Variants in SYNGR2 observed in about 807,000 individuals in gnomAD.
SYNGR2 encodes the protein synaptogyrin-2.
Under a neutral mutation model 18.7 loss-of-function variants are expected in SYNGR2, and 11 were observed. The ratio of observed to expected loss-of-function variants is 0.59; its 90% confidence interval spans 0.37 to 0.97. The LOEUF is 0.97. SYNGR2 is among the 50% of genes least tolerant of loss of function. The pLI is 0.01. For synonymous variants in SYNGR2, 127 were observed against 131.0 expected (o/e 0.97, Z 0.21); for missense variants, 253 against 300.7 (o/e 0.84, Z 1.17).
In SYNGR2 at chr17:78,172,397, T is replaced by G; in HGVS notation, c.*461T>G. ...CAGGCTCTTGTGTCCTCACTCAGGT[T>G]TGCTTCCCCTGTGCCCACTGCTGTA... On this transcript the variant is annotated 3_prime_UTR_variant, in exon 4 of 4. Transcript: ENST00000225777. The G allele has an allele frequency of 4.2e-6, 1 of 239,588 alleles. No homozygotes were observed. The allele number at this position is 239,588 out of a possible 1,614,324, so 14.8% of individuals were successfully genotyped here. A position where few individuals can be genotyped will look rare whatever the true frequency, so the allele number is the denominator to read the frequency against.
intron 1 of SYNGR2, chr17:78,169,584 A>C (rs1018427083): frequency 1.3e-5 from 2 of 152,398 alleles, no homozygotes; most frequent in Admixed American, 1.3e-4. Flanking sequence ...TGTGACTGCC[A>C]GCTCCAGAGC....
chr17:78,170,755 G>T (rs754038738), intron 1 of SYNGR2, 62 bp from the exon 2 acceptor site: 4 of 1,448,016 alleles, frequency 2.8e-6, no homozygotes, highest in Non-Finnish European at 3.8e-6. Context: ...CCCCATCAGG[G>T]TCCCCGCTGT....
chr17:78,169,267 T>TGGGGGGGGG (rs1283779522), intron 1 of SYNGR2: 1 of 25,172 alleles, frequency 4.0e-5, no homozygotes, highest in African/African-American at 2.3e-4. Flanking sequence ...TGTGTGTGTG[T>TGGGGGGGGG]GTGTGTGGCG....
chr17:78,169,687 C>T (rs2075645442), intron 1 of SYNGR2: 1 of 152,410 alleles, frequency 6.6e-6, no homozygotes. Context: ...CAGACCTGTC[C>T]CACACCTGCT....
At position 78,171,045 on chromosome 17, in the gene SYNGR2, C is replaced by A. The variant is rs775497579; in HGVS notation, c.328C>A (p.Leu110Ile). 2.5e-6 allele frequency: 4 copies of A among 1,612,764 alleles called. No individual in the cohort carries two copies. The highest frequency in any genetic ancestry group is 3.4e-6 in the Non-Finnish European group (4 of 1,179,712). Residue 110 changes from leucine to isoleucine, a missense_variant, in exon 2 of 4, where the codon CTC becomes ATC. Coordinates refer to ENST00000225777, the MANE Select transcript of SYNGR2 (RefSeq NM_004710.7). The surrounding 1 kb of genome is among the most constrained non-coding windows in gnomAD (Gnocchi z 6.6). ...DRKYLVIGDL[L>I]FSALWTFLWF... Reference sequence around the variant, plus strand: ...CAAGTACCTGGTCATTGGTGACCTGCTCTTCTCAGGTATCTGCCTGTGGCA... The same window carrying A: ...CAAGTACCTGGTCATTGGTGACCTGATCTTCTCAGGTATCTGCCTGTGGCA...
rs1295675213 is a variant in SYNGR2 at position 78,171,570 on chromosome 17, C to G, written c.398C>G (p.Thr133Ser). The G allele has an allele frequency of 1.9e-6, 3 of 1,543,130 alleles. No homozygotes were observed. Among genetic ancestry groups the G allele is most frequent in the Non-Finnish European group, 2.6e-6 (3 of 1,144,086 alleles). Residue 133 changes from threonine (T) to serine (S), a missense_variant, in exon 3 of 4, where the codon ACC becomes AGC. Thr to Ser is a moderately conservative substitution (Grantham distance 58). Coordinates refer to ENST00000225777, the MANE Select transcript of SYNGR2 (RefSeq NM_004710.7). The surrounding 1 kb of genome is among the most constrained non-coding windows in gnomAD (Gnocchi z 6.6). ...FCFLTNQWAV[T>S]NPKDVLVGAD... ...TTCCTCACCAACCAGTGGGCAGTCA[C>G]CAACCCGAAGGACGTGCTGGTGGGG...
rs372282851 is a variant in SYNGR2, at chr17:78,171,949, G to A, written c.*13G>A. 3.7e-5 allele frequency: 60 copies of A among 1,611,586 alleles called. No homozygotes were observed. The highest frequency in any genetic ancestry group is 4.5e-5 in the East Asian group (2 of 44,870). On this transcript the variant is annotated 3_prime_UTR_variant, in exon 4 of 4. Transcript: ENST00000225777. The surrounding 1 kb of genome is among the most constrained non-coding windows in gnomAD (Gnocchi z 6.6). ...CCCTGTGTACTGAGCGGCGGTTAGC[G>A]TGGGAAGGGGGACAGAGAGGGCCCT...
rs780833069 is a variant in SYNGR2 at position 78,170,848 on chromosome 17, A to G, written c.131A>G (p.Tyr44Cys). ...VFALIVFSCI[Y>C]GEGYSNAHES... ...GCCTTGATCGTGTTCTCCTGCATCT[A>G]TGGTGAGGGCTACAGCAATGCCCAC... The change falls in exon 2 of 4, where the codon TAT becomes TGT. Residue 44 changes from tyrosine to cysteine, a missense_variant. Physicochemically the swap from Tyr to Cys is radical, Grantham distance 194 (BLOSUM62 -2). Coordinates refer to ENST00000225777, the MANE Select transcript of SYNGR2 (RefSeq NM_004710.7). The G allele has an allele frequency of 3.7e-6, 6 of 1,612,564 alleles. No individual in the cohort carries two copies. Among genetic ancestry groups the G allele is most frequent in the Non-Finnish European group, 5.1e-6 (6 of 1,179,818 alleles).
chr17:78,170,905 G>A lies in SYNGR2; in HGVS notation c.188G>A (p.Arg63His), dbSNP rs752963853. The A allele has an allele frequency of 1.7e-5, 27 of 1,613,324 alleles. No homozygotes were observed. The highest frequency in any genetic ancestry group is 4.0e-5 in the African/African-American group (3 of 74,902). The change falls in exon 2 of 4, where the codon CGC becomes CAC. Residue 63 changes from arginine to histidine, a missense_variant. Physicochemically the swap from Arg to His is conservative, Grantham distance 29. Transcript: ENST00000225777. Reference sequence around the variant, plus strand: ...AAGCAGATGTACTGCGTGTTCAACCGCAACGAGGATGCCTGCCGCTATGGC... The same window carrying A: ...AAGCAGATGTACTGCGTGTTCAACCACAACGAGGATGCCTGCCGCTATGGC... ...ESKQMYCVFN[R>H]NEDACRYGSA...
Position 78,172,235 on chromosome 17 carries a change from G to A in SYNGR2, c.*299G>A. ...CCCCGCCTGCAGTGGCTAGAAGCCA[G>A]CAGGTGCCCATGTGCTACTGACAAG... On this transcript the variant is annotated 3_prime_UTR_variant, in exon 4 of 4. Coordinates refer to ENST00000225777, the MANE Select transcript of SYNGR2 (RefSeq NM_004710.7). The A allele has an allele frequency of 1.7e-6, 1 of 599,592 alleles. No individual in the cohort carries two copies. The highest frequency in any genetic ancestry group is 2.5e-5 in the South Asian group (1 of 40,370). The allele number at this position is 599,592 out of a possible 1,614,324, so 37.1% of individuals were successfully genotyped here. A position where few individuals can be genotyped will look rare whatever the true frequency, so the allele number is the denominator to read the frequency against.
rs373072233 is a variant in SYNGR2 at position 78,171,895 on chromosome 17, G to A, written c.634G>A (p.Ala212Thr). Residue 212 changes from alanine (A) to threonine (T), a missense_variant, in exon 4 of 4, where the codon GCG becomes ACG. Ala to Thr is a moderately conservative substitution (Grantham distance 58). Coordinates refer to ENST00000225777, the MANE Select transcript of SYNGR2 (RefSeq NM_004710.7). This position sits in a 1 kb window ranked among gnomAD's most constrained non-coding sequence, Gnocchi z 6.6. ...NYQQPPFTQN[A>T]ETTEGYQPPP... is the part of the protein sequence containing the mutation. ...CCAACAGCCACCCTTCACCCAGAACGCGGAGACCACCGAGGGCTACCAGCC... is the reference window on the plus strand; with the variant it reads ...CCAACAGCCACCCTTCACCCAGAACACGGAGACCACCGAGGGCTACCAGCC... 1.4e-5 allele frequency: 23 copies of A among 1,613,700 alleles called. No homozygotes were observed. The South Asian group carries it at 1.4e-4, about 10-fold the overall frequency.
In SYNGR2 at chr17:78,172,328, A is replaced by G; in HGVS notation, c.*392A>G. 1 of 408,332 alleles carries G rather than the reference A, an allele frequency of 2.4e-6. No individual in the cohort carries two copies. Among genetic ancestry groups the G allele is most frequent in the South Asian group, 4.0e-5 (1 of 24,986 alleles). The allele number at this position is 408,332 out of a possible 1,614,324, so 25.3% of individuals were successfully genotyped here. A position where few individuals can be genotyped will look rare whatever the true frequency, so the allele number is the denominator to read the frequency against. On this transcript the variant is annotated 3_prime_UTR_variant, in exon 4 of 4. Coordinates refer to ENST00000225777, the MANE Select transcript of SYNGR2 (RefSeq NM_004710.7). ...CTATTATCTGCGTTCTCTGCCAAAG[A>G]CTCGTGGGGGCCATCACACCTGCCC...
At position 78,168,608 on chromosome 17, in the gene SYNGR2, G is replaced by A. The variant is rs1056644575; in HGVS notation, c.-9G>A. 2 of 1,197,764 alleles carry A rather than the reference G, an allele frequency of 1.7e-6. No individual in the cohort carries two copies. Among genetic ancestry groups the A allele is most frequent in the Non-Finnish European group, 2.1e-6 (2 of 965,006 alleles). The allele number at this position is 1,197,764 out of a possible 1,614,324, so 74.2% of individuals were successfully genotyped here. On this transcript the variant is annotated 5_prime_UTR_variant, in exon 1 of 4. Coordinates refer to ENST00000225777, the MANE Select transcript of SYNGR2 (RefSeq NM_004710.7). ...GTTCCGCGGCGGCGGCAGCGGCGGC[G>A]ACGGCGACATGGAGAGCGGGGCCTA...
At chr17:78,168,897 C>G (rs2145813014) in intron 1 of SYNGR2, among the ~76,000 whole-genome samples, 182 bp downstream of exon 1, 1 of 152,166 alleles carries the variant, frequency 6.6e-6, no homozygotes, top group Non-Finnish European at 1.5e-5. Flanking sequence ...GTCTGTCCCG[C>G]TGTCCCCTCC....
Position 78,171,702 on chromosome 17 carries a change from C to A in SYNGR2, c.478-37C>A, listed in dbSNP as rs199622773. 144 of 1,613,022 alleles carry A rather than the reference C, an allele frequency of 8.9e-5. No homozygotes were observed. Among genetic ancestry groups the A allele is most frequent in the Non-Finnish European group, 1.2e-4 (140 of 1,179,362 alleles). Reference sequence around the variant, plus strand: ...GTCAAGGGTGGTGGAGGGTGGGGTCCCCCACCCACCTGTACCCTGCTGTGC... The same window carrying A: ...GTCAAGGGTGGTGGAGGGTGGGGTCACCCACCCACCTGTACCCTGCTGTGC... On this transcript the variant is annotated intron_variant, in intron 3 of 3. Coordinates refer to ENST00000225777, the MANE Select transcript of SYNGR2 (RefSeq NM_004710.7). This position sits in a 1 kb window ranked among gnomAD's most constrained non-coding sequence, Gnocchi z 6.6.
In SYNGR2 at chr17:78,171,255, A is replaced by T; in HGVS notation, c.337+201A>T. On this transcript the variant is annotated intron_variant, in intron 2 of 3. Coordinates refer to ENST00000225777, the MANE Select transcript of SYNGR2 (RefSeq NM_004710.7). The surrounding 1 kb of genome is among the most constrained non-coding windows in gnomAD (Gnocchi z 6.6). ...CCTGGGGTAGCTAGAAGCTGAGTGG[A>T]CCTGCAGCACACCCGAGCAGATGGG... The T allele has an allele frequency of 1.5e-6, 1 of 662,510 alleles. No individual in the cohort carries two copies. The highest frequency in any genetic ancestry group is 1.9e-5 in the South Asian group (1 of 51,952). The allele number at this position is 662,510 out of a possible 1,614,324, so 41.0% of individuals were successfully genotyped here.
At position 78,171,036 on chromosome 17, in the gene SYNGR2, G is replaced by A. The variant is rs771961745; in HGVS notation, c.319G>A (p.Gly107Ser). 2 of 1,613,160 alleles carry A rather than the reference G, an allele frequency of 1.2e-6. No homozygotes were observed. Among genetic ancestry groups the A allele is most frequent in the Non-Finnish European group, 1.7e-6 (2 of 1,179,954 alleles). ...NATDRKYLVIGDLLFSALWTF... is the reference protein window; with the variant it reads ...NATDRKYLVISDLLFSALWTF... ...CACTGACCGCAAGTACCTGGTCATT[G>A]GTGACCTGCTCTTCTCAGGTATCTG... Residue 107 changes from glycine (G) to serine (S), a missense_variant, in exon 2 of 4, where the codon GGT (glycine) becomes AGT (serine). Physicochemically the swap from Gly to Ser is moderately conservative, Grantham distance 56. Transcript: ENST00000225777. This position sits in a 1 kb window ranked among gnomAD's most constrained non-coding sequence, Gnocchi z 6.6.
intron 1 of SYNGR2, 77 bp downstream of exon 1, chr17:78,168,792 C>T: frequency 8.7e-7 from 1 of 1,145,006 alleles, no homozygotes. Flanking sequence ...GCCCCTAGCC[C>T]ACGAGCGCGA....
In SYNGR2 at chr17:78,172,310, C is replaced by T. The variant is rs1165288323; in HGVS notation, c.*374C>T. On this transcript the variant is annotated 3_prime_UTR_variant, in exon 4 of 4. Transcript: ENST00000225777. ...GTCAGGCCGTGGGAGCCGCTATTAT[C>T]TGCGTTCTCTGCCAAAGACTCGTGG... 1.1e-4 allele frequency: 54 copies of T among 470,784 alleles called. No individual in the cohort carries two copies. Among genetic ancestry groups the T allele is most frequent in the Non-Finnish European group, 2.0e-4 (52 of 263,056 alleles). 29.2% of individuals were successfully genotyped at this position (470,784 alleles called of 1,614,324 possible).
Sources: allele counts gnomAD v4.1 joint callset (sites outside exome capture counted in the v4.1 genomes callset), GRCh38; gene constraint gnomAD v4.1.1; non-coding constraint Gnocchi (gnomAD v3.1); transcripts MANE v1.5; gene names NCBI Gene and HGNC (gene_info 2026-07-23, HGNC 2026-07-21).